CFAP210: variants seen among roughly 807,000 people sequenced by gnomAD.
CFAP210 encodes cilia and flagella associated protein 210.
At chr2:169,653,030 ATATATATATATAT>A in the CFAP210 span, among the ~76,000 whole-genome samples, 142 of 9,096 alleles carry the variant, frequency 0.016, 10 homozygotes, top group Non-Finnish European at 0.023. Flanking sequence ...AAAAAAAAAA[ATATATATATATAT>A]ATATATATAT....
chr2:169,675,759 C>A, the CFAP210 span, among the ~76,000 whole-genome samples: 1 of 152,164 alleles, frequency 6.6e-6, no homozygotes, highest in Non-Finnish European at 1.5e-5. Flanking sequence ...CTATTAGTTT[C>A]TTTTGTCTAC....
chr2:169,655,568 T>A, the CFAP210 span, among the ~76,000 whole-genome samples: 1 of 150,866 alleles, frequency 6.6e-6, no homozygotes, highest in African/African-American at 2.4e-5. Context: ...TTTCTCCAAG[T>A]TTATTCTAAT....
At chr2:169,694,287 C>T in the CFAP210 span, 6 of 1,613,952 alleles carry the variant, frequency 3.7e-6, no homozygotes, top group African/African-American at 6.7e-5. Flanking sequence ...CCGTCCACAG[C>T]GCCGTCCAAA....
At chr2:169,657,001 A>T in the CFAP210 span, among the ~76,000 whole-genome samples, 1 of 151,524 alleles carries the variant, frequency 6.6e-6, no homozygotes, top group African/African-American at 2.4e-5. Context: ...CAGAGTAAAA[A>T]AAAAAGAGAA....
chr2:169,649,464 G>A, the CFAP210 span: 9 of 830,268 alleles, frequency 1.1e-5, no homozygotes, highest in African/African-American at 1.7e-5. Flanking sequence ...CAATGCAGGA[G>A]CAGAAAAGTG....
At chr2:169,647,267 A>G in the CFAP210 span, among the ~76,000 whole-genome samples, 1 of 152,164 alleles carries the variant, frequency 6.6e-6, no homozygotes, top group Admixed American at 6.5e-5. Context: ...AGCAATTTGG[A>G]TATGTTTAGT....
At chr2:169,675,820 T>C in the CFAP210 span, among the ~76,000 whole-genome samples, 1 of 152,162 alleles carries the variant, frequency 6.6e-6, no homozygotes, top group Admixed American at 6.5e-5. Context: ...CTCACTCCTT[T>C]TGCTCCTTTA....
the CFAP210 span, chr2:169,675,131 T>A: frequency 1.1e-6 from 1 of 935,640 alleles, no homozygotes; most frequent in Non-Finnish European, 1.5e-6. Context: ...TGAGCTTTTA[T>A]GTTTTTATTG....
chr2:169,665,620 G>A, the CFAP210 span, among the ~76,000 whole-genome samples: 3 of 152,344 alleles, frequency 2.0e-5, no homozygotes, highest in South Asian at 6.2e-4. Flanking sequence ...TACGTTGCCA[G>A]TGAGGCAATG....
the CFAP210 span, among the ~76,000 whole-genome samples, chr2:169,657,083 C>T: frequency 6.6e-6 from 1 of 151,122 alleles, no homozygotes; most frequent in East Asian, 1.9e-4. Flanking sequence ...GCACTTTAAA[C>T]CTGTATATTA....
chr2:169,668,639 G>T, the CFAP210 span, among the ~76,000 whole-genome samples: 1 of 152,144 alleles, frequency 6.6e-6, no homozygotes, highest in African/African-American at 2.4e-5. Flanking sequence ...TTTCAATATT[G>T]TTGTGTCTCA....
chr2:169,654,222 GA>G, the CFAP210 span: 14 of 1,556,504 alleles, frequency 9.0e-6, no homozygotes, highest in East Asian at 4.6e-5. Flanking sequence ...TTCCTTGGGG[GA>G]AAAATTGTAT....
At chr2:169,674,693 T>C in the CFAP210 span, 2 of 1,610,648 alleles carry the variant, frequency 1.2e-6, no homozygotes, top group East Asian at 2.2e-5. Context: ...CCATTTTTTA[T>C]CTGATTTTAT....
At chr2:169,665,132 AGAG>A in the CFAP210 span, among the ~76,000 whole-genome samples, 2 of 152,296 alleles carry the variant, frequency 1.3e-5, no homozygotes, top group African/African-American at 2.4e-5. Context: ...TTGTGCCAAA[AGAG>A]GAGGAGGAGA....
chr2:169,648,866 T>C, the CFAP210 span, among the ~76,000 whole-genome samples: 1 of 152,196 alleles, frequency 6.6e-6, no homozygotes, highest in African/African-American at 2.4e-5. Flanking sequence ...GCAATCAACA[T>C]AGTCTCTGAG....
the CFAP210 span, chr2:169,649,242 C>T: frequency 6.2e-7 from 1 of 1,613,736 alleles, no homozygotes; most frequent in Non-Finnish European, 8.5e-7. Context: ...TGCATTTTTT[C>T]TCCTTTTCAT....
chr2:169,675,122 G>T, the CFAP210 span: 1 of 982,364 alleles, frequency 1.0e-6, no homozygotes, highest in South Asian at 3.1e-5. Flanking sequence ...ATGATAATTT[G>T]AGCTTTTATG....
At chr2:169,693,173 T>G in the CFAP210 span, among the ~76,000 whole-genome samples, 1 of 152,246 alleles carries the variant, frequency 6.6e-6, no homozygotes, top group Non-Finnish European at 1.5e-5. Flanking sequence ...TACTAATAGC[T>G]GCACACATCT....
the CFAP210 span, among the ~76,000 whole-genome samples, chr2:169,676,923 G>A: frequency 6.6e-6 from 1 of 152,102 alleles, no homozygotes; most frequent in East Asian, 1.9e-4. Context: ...TAGGGTGGAG[G>A]GAGGGATTAC....
Sources: allele counts gnomAD v4.1 joint callset (sites outside exome capture counted in the v4.1 genomes callset), GRCh38; gene constraint gnomAD v4.1.1; transcripts MANE v1.5; gene names NCBI Gene and HGNC (gene_info 2026-07-23, HGNC 2026-07-21).